The following KLHL26 variants were observed in gnomAD, a reference collection of about 807,000 sequenced individuals.
KLHL26 encodes the protein kelch like family member 26.
KLHL26 carries 4 observed loss-of-function variants against 7.1 expected under a neutral mutation model. That is an observed-to-expected ratio of 0.56 (90% CI 0.28 to 1.28). The LOEUF (loss-of-function observed/expected upper bound fraction) is 1.28. Ranked by LOEUF, KLHL26 falls within the 50% of genes most tolerant of loss-of-function variation. KLHL26 has a pLI of 0.11. For synonymous variants in KLHL26, 465 were observed against 414.1 expected, an observed-to-expected ratio of 1.12 and a Z score of -1.49; for missense variants, 896 against 924.6, an observed-to-expected ratio of 0.97 and a Z score of 0.40.
At chr19:18,642,358 T>C (rs1022960680) in intron 1 of KLHL26, among the ~76,000 whole-genome samples, 1 of 150,870 alleles carries the variant, frequency 6.6e-6, no homozygotes, top group African/African-American at 2.4e-5. Context: ...TGTGTGTGTG[T>C]GTGTGTGTGT....
rs1229197287 is a variant in KLHL26, at chr19:18,656,806, A to G, written c.84-7455A>G. 6.6e-6 allele frequency among the ~76,000 whole-genome samples: 1 copy of G among 152,176 alleles called. No homozygotes were observed. Among genetic ancestry groups the G allele is most frequent in the African/African-American group, 2.4e-5 (1 of 41,448 alleles). ...CCCAGCACGCCTGCCCTCCCAGCAC[A>G]GGGCGGGAGTGGCGGGTTCCTGTTT... On this transcript the variant is annotated intron_variant, in intron 1 of 2. Transcript: ENST00000300976. This position sits in a 1 kb window ranked among gnomAD's most constrained non-coding sequence, Gnocchi z 4.4.
Position 18,668,190 on chromosome 19 carries a change from G to C in KLHL26, c.793G>C (p.Val265Leu). 2 of 1,611,284 alleles carry C rather than the reference G, an allele frequency of 1.2e-6. No homozygotes were observed. Among genetic ancestry groups the C allele is most frequent in the African/African-American group, 1.3e-5 (1 of 75,054 alleles). ...GCAGTCGTCCGAGCTGGTGGACAGC[G>C]TGCAGACGCTGGACATCATGGTGGA... ...LMQSSELVDS[V>L]QTLDIMVEDV... is the part of the protein sequence containing the mutation. The change falls in exon 3 of 3, where the codon GTG becomes CTG. Residue 265 changes from valine to leucine, a missense_variant. Coordinates refer to ENST00000300976, the MANE Select transcript of KLHL26 (RefSeq NM_018316.3).
Position 18,646,652 on chromosome 19 carries a change from T to C in KLHL26, c.83+9515T>C, listed in dbSNP as rs937321221. ...AGGAAACGAGTGGGGAGAGGTCACA[T>C]GTACCTCATCAGTGTTACTGTGGCA... On this transcript the variant is annotated intron_variant, in intron 1 of 2. Coordinates refer to ENST00000300976, the MANE Select transcript of KLHL26 (RefSeq NM_018316.3). This position sits in a 1 kb window ranked among gnomAD's most constrained non-coding sequence, Gnocchi z 5.0. Among the ~76,000 whole-genome samples, 3 of 152,050 alleles carry C rather than the reference T, an allele frequency of 2.0e-5. No individual in the cohort carries two copies. The highest frequency in any genetic ancestry group is 2.0e-4 in the Admixed American group (3 of 15,266).
Position 18,648,002 on chromosome 19 carries a change from C to T in KLHL26, c.83+10865C>T, listed in dbSNP as rs950599416. 4.6e-5 allele frequency among the ~76,000 whole-genome samples: 7 copies of T among 152,284 alleles called. No homozygotes were observed. The highest frequency in any genetic ancestry group is 3.3e-4 in the Admixed American group (5 of 15,300). ...TTAGAGAACGTCGTGCGGTCATTTCCGGGCTGGCTGGGCCAGGGGGCCAGG... is the reference window on the plus strand; with the variant it reads ...TTAGAGAACGTCGTGCGGTCATTTCTGGGCTGGCTGGGCCAGGGGGCCAGG... On this transcript the variant is annotated intron_variant, in intron 1 of 2. Transcript: ENST00000300976. This position sits in a 1 kb window ranked among gnomAD's most constrained non-coding sequence, Gnocchi z 4.9.
chr19:18,643,283 A>G (rs1319938786), intron 1 of KLHL26, among the ~76,000 whole-genome samples: 2 of 151,320 alleles, frequency 1.3e-5, no homozygotes, highest in African/African-American at 4.8e-5. Context: ...CTTCTCTACT[A>G]AAAATACAAA....
intron 1 of KLHL26, among the ~76,000 whole-genome samples, chr19:18,637,443 G>A (rs1976639491): frequency 6.6e-6 from 1 of 152,116 alleles, no homozygotes; most frequent in Admixed American, 6.5e-5. Flanking sequence ...GGGGCAACTG[G>A]GGATGCCAAA....
At chr19:18,660,978 G>A (rs1432659938) in intron 1 of KLHL26, among the ~76,000 whole-genome samples, 1 of 152,180 alleles carries the variant, frequency 6.6e-6, no homozygotes, top group East Asian at 1.9e-4. Flanking sequence ...CTGGGCCTGG[G>A]GTGTCCTAAA....
Position 18,669,230 on chromosome 19 carries a change from C to G in KLHL26, c.1833C>G (p.Ala611=), listed in dbSNP as rs1205400344. ...GCGCCCCCGTCCTGCTGCCCCGGGC[C>G]GGGACCAGGAGGTAGCCCCCAAGAC... ...IACAPVLLPR[A]GTRR The change falls in exon 3 of 3, where the codon GCC becomes GCG. Residue 611 remains alanine, a synonymous_variant. Transcript: ENST00000300976. 10 of 1,609,734 alleles carry G rather than the reference C, an allele frequency of 6.2e-6. No individual in the cohort carries two copies. Among genetic ancestry groups the G allele is most frequent in the Admixed American group, 1.7e-5 (1 of 59,900 alleles).
Position 18,661,178 on chromosome 19 carries a change from C to T in KLHL26, c.84-3083C>T, listed in dbSNP as rs1273611890. 4.6e-5 allele frequency among the ~76,000 whole-genome samples: 7 copies of T among 152,126 alleles called. No individual in the cohort carries two copies. The East Asian group carries it at 1.4e-3, about 29-fold the overall frequency. On this transcript the variant is annotated intron_variant, in intron 1 of 2. Transcript: ENST00000300976. ...GAGTGACTGCTGAGTTCCCAGCTAA[C>T]CAGAGCTGGCTTGGCCCAGGCTGCT...
Position 18,668,302 on chromosome 19 carries a change from C to T in KLHL26, c.905C>T (p.Thr302Ile). The T allele has an allele frequency of 6.2e-7, 1 of 1,611,542 alleles. No individual in the cohort carries two copies. Among genetic ancestry groups the T allele is most frequent in the Non-Finnish European group, 8.5e-7 (1 of 1,179,818 alleles). Residue 302 changes from threonine (T) to isoleucine (I), a missense_variant, in exon 3 of 3, where the codon ACC becomes ATC. Transcript: ENST00000300976. The part of the protein sequence containing the change: ...FRQHEMQSPR[T>I]AVRSDVPSLV... Reference sequence around the variant, plus strand: ...CAGCACGAGATGCAGTCTCCGCGCACCGCCGTGCGCTCGGATGTGCCCTCG... The same window carrying T: ...CAGCACGAGATGCAGTCTCCGCGCATCGCCGTGCGCTCGGATGTGCCCTCG...
intron 1 of KLHL26, among the ~76,000 whole-genome samples, chr19:18,660,191 A>T (rs2052378091): frequency 6.6e-6 from 1 of 152,188 alleles, no homozygotes; most frequent in Non-Finnish European, 1.5e-5. Flanking sequence ...TTGCCAGGGC[A>T]GACCTGGGCG....
At chr19:18,665,577 C>A (rs571109175) in intron 2 of KLHL26, among the ~76,000 whole-genome samples, 1 of 152,340 alleles carries the variant, frequency 6.6e-6, no homozygotes, top group East Asian at 1.9e-4. Flanking sequence ...CAGATGAGTT[C>A]TCCTCCCTGT....
At position 18,667,496 on chromosome 19, in the gene KLHL26, G is replaced by A. The variant is rs780030609; in HGVS notation, c.267-168G>A. ...TGGGATTACAGGCATGAGCCACCGC[G>A]CCCGGCCCCTTTGCATGTTTTTAAT... On this transcript the variant is annotated intron_variant, in intron 2 of 2. Transcript: ENST00000300976. 49 of 1,219,928 alleles carry A rather than the reference G, an allele frequency of 4.0e-5. 1 individual carries two copies. The Middle Eastern group carries it at 8.6e-4, about 21-fold the overall frequency. 75.6% of individuals were successfully genotyped at this position (1,219,928 alleles called of 1,614,324 possible). A position where few individuals can be genotyped will look rare whatever the true frequency, so the allele number is the denominator to read the frequency against.
At chr19:18,653,246 C>T (rs1460302707) in intron 1 of KLHL26, among the ~76,000 whole-genome samples, 3 of 151,920 alleles carry the variant, frequency 2.0e-5, no homozygotes, top group Non-Finnish European at 4.4e-5. Context: ...TATCCACCCA[C>T]CCTTCATCCA....
At position 18,668,090 on chromosome 19, in the gene KLHL26, C is replaced by T. The variant is rs1391156566; in HGVS notation, c.693C>T (p.Val231=). 6.2e-7 allele frequency: 1 copy of T among 1,604,922 alleles called. No individual in the cohort carries two copies. The highest frequency in any genetic ancestry group is 1.1e-5 in the South Asian group (1 of 91,074). Residue 231 remains valine, a synonymous_variant, in exon 3 of 3, where the codon GTC becomes GTT. Coordinates refer to ENST00000300976, the MANE Select transcript of KLHL26 (RefSeq NM_018316.3). The part of the protein sequence containing the change: ...CAEIDLFRAA[V]RWLQHDPARR... ...AGATCGACCTGTTCCGCGCGGCCGT[C>T]CGCTGGCTGCAGCATGACCCGGCCC...
chr19:18,650,479 G>C lies in KLHL26; in HGVS notation c.83+13342G>C, dbSNP rs1214552660. 3.3e-5 allele frequency among the ~76,000 whole-genome samples: 5 copies of C among 152,134 alleles called. No homozygotes were observed. Among genetic ancestry groups the C allele is most frequent in the African/African-American group, 9.7e-5 (4 of 41,428 alleles). On this transcript the variant is annotated intron_variant, in intron 1 of 2. Coordinates refer to ENST00000300976, the MANE Select transcript of KLHL26 (RefSeq NM_018316.3). The surrounding 1 kb of genome is among the most constrained non-coding windows in gnomAD (Gnocchi z 4.2). ...ACTGAAGTTCGAGTTGGAAGCACGC[G>C]TTCTCCTTGGTGAAGTCCGTCCTGT...
chr19:18,650,182 A>C lies in KLHL26; in HGVS notation c.83+13045A>C, dbSNP rs1245869927. On this transcript the variant is annotated intron_variant, in intron 1 of 2. Coordinates refer to ENST00000300976, the MANE Select transcript of KLHL26 (RefSeq NM_018316.3). The surrounding 1 kb of genome is among the most constrained non-coding windows in gnomAD (Gnocchi z 4.2). ...GAAATTCCACAGGGGTCAAAGACGG[A>C]CCCGGGCGGGAGCGGTCTGGGCTGG... Among the ~76,000 whole-genome samples, 1 of 151,954 alleles carries C rather than the reference A, an allele frequency of 6.6e-6. No homozygotes were observed. The highest frequency in any genetic ancestry group is 1.5e-5 in the Non-Finnish European group (1 of 67,888).
rs2052490300 is a variant in KLHL26, at chr19:18,668,828, C to A, written c.1431C>A (p.Ala477=). 1 of 1,594,942 alleles carries A rather than the reference C, an allele frequency of 6.3e-7. No individual in the cohort carries two copies. The highest frequency in any genetic ancestry group is 1.7e-5 in the Admixed American group (1 of 59,558). The change falls in exon 3 of 3, where the codon GCC becomes GCA. Residue 477 remains alanine (A), a synonymous_variant. Transcript: ENST00000300976. ...GGATCTCAGTGGAGGACAAGAAGGC[C>A]CTGCACTGCTACGACCCCGTGGCCG... ...GYGISVEDKK[A]LHCYDPVADQ...
chr19:18,658,178 C>T (rs2145397706), intron 1 of KLHL26, among the ~76,000 whole-genome samples: 1 of 152,296 alleles, frequency 6.6e-6, no homozygotes, highest in African/African-American at 2.4e-5. Flanking sequence ...GATACTGAGC[C>T]TGTGATCTCC....
Sources: gnomAD v4.1 joint callset for allele counts (sites outside exome capture counted in the v4.1 genomes callset) on GRCh38, gnomAD v4.1.1 for gene constraint, Gnocchi (gnomAD v3.1) non-coding constraint, MANE v1.5 for transcripts, NCBI Gene and HGNC (gene_info 2026-07-23, HGNC 2026-07-21) for gene names.